Variants in ZRANB1 observed in about 807,000 individuals in gnomAD.
ZRANB1 encodes ubiquitin thioesterase ZRANB1.
ZRANB1 carries 16 observed loss-of-function variants against 80.5 expected under a neutral mutation model. That is an observed-to-expected ratio of 0.20 (90% CI 0.13 to 0.30). The LOEUF (loss-of-function observed/expected upper bound fraction) is 0.30. ZRANB1 is among the 10% of genes least tolerant of loss of function. The pLI is 1.00. For missense variants in ZRANB1, 576 were observed against 862.6 expected, an observed-to-expected ratio of 0.67 and a Z score of 4.16; for synonymous variants, 291 against 293.1, an observed-to-expected ratio of 0.99 and a Z score of 0.07.
At chr10:124,977,506 T>TG (rs1951888045) in intron 5 of ZRANB1, among the ~76,000 whole-genome samples, 1 of 151,452 alleles carries the variant, frequency 6.6e-6, no homozygotes, top group South Asian at 2.1e-4. Flanking sequence ...GCCTAGGAGT[T>TG]CAAGACAAGC....
intron 1 of ZRANB1, among the ~76,000 whole-genome samples, chr10:124,948,864 G>A (rs1456832925): frequency 1.3e-5 from 2 of 152,134 alleles, no homozygotes; most frequent in East Asian, 3.9e-4. Flanking sequence ...TTATATCAAT[G>A]AACGAATGAA....
intron 1 of ZRANB1, among the ~76,000 whole-genome samples, chr10:124,949,619 T>G (rs1951619162): frequency 6.6e-6 from 1 of 151,494 alleles, no homozygotes. Flanking sequence ...CCTCCTGGGC[T>G]TAAGCAGTCC....
At chr10:124,941,302 G>A (rs1220601666), upstream of ZRANB1, among the ~76,000 whole-genome samples, 1 of 152,102 alleles carries the variant, frequency 6.6e-6, no homozygotes, top group Non-Finnish European at 1.5e-5. Flanking sequence ...TTAGCCCATT[G>A]TTGAATCCTA....
At chr10:124,935,798 C>T in the ZRANB1 span, among the ~76,000 whole-genome samples, 3 of 152,166 alleles carry the variant, frequency 2.0e-5, no homozygotes, top group Admixed American at 6.5e-5. Context: ...GTCTACCTTC[C>T]GTGCCACTGG....
intron 5 of ZRANB1, among the ~76,000 whole-genome samples, chr10:124,977,291 T>C (rs1951885887): frequency 6.6e-6 from 1 of 151,764 alleles, no homozygotes; most frequent in Non-Finnish European, 1.5e-5. Flanking sequence ...TTTTTTTTTT[T>C]TCTTTTTTTA....
the ZRANB1 span, among the ~76,000 whole-genome samples, chr10:124,920,186 A>G: frequency 2.0e-5 from 3 of 151,812 alleles, no homozygotes; most frequent in East Asian, 1.9e-4. Context: ...TCGGCCTCCC[A>G]GAGGCTGGGA....
chr10:124,984,972 G>A lies in ZRANB1; in HGVS notation c.2107G>A (p.Glu703Lys). 6.2e-7 allele frequency: 1 copy of A among 1,612,222 alleles called. No homozygotes were observed. The highest frequency in any genetic ancestry group is 8.5e-7 in the Non-Finnish European group (1 of 1,179,002). ...CTSLSDGEED[E>K]DDEDE is the part of the protein sequence containing the mutation. ...ATCCCTGTCTGATGGAGAGGAAGAT[G>A]AGGATGATGAAGATGAATGAAAAAA... is the stretch of plus-strand genomic sequence containing the variant. Residue 703 changes from glutamate to lysine, a missense_variant, in exon 9 of 9, where the codon GAG becomes AAG. This residue lies in a region of ZRANB1 where 152 missense variants were observed against 221.9 expected (regional missense o/e 0.69). Transcript: ENST00000359653.
At chr10:124,974,497 G>A in intron 5 of ZRANB1, 99 bp downstream of exon 5, 1 of 1,194,922 alleles carries the variant, frequency 8.4e-7, no homozygotes, top group Non-Finnish European at 1.2e-6. Context: ...TATTTTCTAT[G>A]GAAACTGGAG....
At chr10:124,939,308 A>G (rs1342171227), upstream of ZRANB1, among the ~76,000 whole-genome samples, 7 of 151,762 alleles carry the variant, frequency 4.6e-5, no homozygotes, top group African/African-American at 1.7e-4. Flanking sequence ...TGCTGGGATT[A>G]AAGACTTGAG....
At chr10:124,918,313 C>G in the ZRANB1 span, among the ~76,000 whole-genome samples, 1 of 152,182 alleles carries the variant, frequency 6.6e-6, no homozygotes, top group Non-Finnish European at 1.5e-5. Flanking sequence ...GCTTCTGCCT[C>G]CCGAGTAGTT....
At chr10:124,919,091 GT>G in the ZRANB1 span, among the ~76,000 whole-genome samples, 1 of 152,116 alleles carries the variant, frequency 6.6e-6, no homozygotes, top group Non-Finnish European at 1.5e-5. Context: ...ACTGATAGGG[GT>G]TATGGATGTC....
chr10:124,923,706 C>CAA, the ZRANB1 span, among the ~76,000 whole-genome samples: 1 of 151,908 alleles, frequency 6.6e-6, no homozygotes, highest in Non-Finnish European at 1.5e-5. Context: ...AGCACCTTCA[C>CAA]AAGGCAGGAG....
At chr10:124,963,265 CA>C (rs397844792) in intron 1 of ZRANB1, among the ~76,000 whole-genome samples, 4,734 of 62,420 alleles carry the variant, frequency 0.076, 68 homozygotes, top group African/African-American at 0.15. Flanking sequence ...GACTCTGTCT[CA>C]AAAAAAAAAA....
upstream of ZRANB1, among the ~76,000 whole-genome samples, chr10:124,941,022 A>G (rs1951531329): frequency 6.6e-6 from 1 of 151,926 alleles, no homozygotes; most frequent in Non-Finnish European, 1.5e-5. Flanking sequence ...CAAAAAAACA[A>G]ACAAACAAAA....
At chr10:124,926,236 T>C in the ZRANB1 span, among the ~76,000 whole-genome samples, 3 of 152,228 alleles carry the variant, frequency 2.0e-5, no homozygotes, top group Admixed American at 2.0e-4. Context: ...GTGAACACTT[T>C]GGCTACACTA....
At chr10:124,931,688 TTA>T in the ZRANB1 span, among the ~76,000 whole-genome samples, 1 of 152,164 alleles carries the variant, frequency 6.6e-6, no homozygotes, top group Non-Finnish European at 1.5e-5. Context: ...ACTTTATTTT[TTA>T]GAGCAGTGTT....
rs1366762083 is a variant in ZRANB1 at position 124,943,234 on chromosome 10, A to T, written c.741A>T (p.Val247=). The T allele has an allele frequency of 6.2e-7, 1 of 1,614,234 alleles. No homozygotes were observed. ...TGGGAAGCAAGGAGGAACTTGAAGT[A>T]GACTTTAAAAAACTAAAGCAAATTA... ...GAVGSKEELE[V]DFKKLKQIKN... is the part of the protein sequence containing the mutation. The change falls in exon 1 of 9, where the codon GTA becomes GTT. Residue 247 remains valine, a synonymous_variant. Transcript: ENST00000359653.
At chr10:124,924,394 C>A in the ZRANB1 span, among the ~76,000 whole-genome samples, 1 of 151,262 alleles carries the variant, frequency 6.6e-6, no homozygotes, top group Non-Finnish European at 1.5e-5. Flanking sequence ...GTATACTTAA[C>A]AGAGTTGTAC....
At chr10:124,963,554 G>GTTTTTTTTTTTTTTTTTTTTTTTTTGTT (rs760813299) in intron 1 of ZRANB1, among the ~76,000 whole-genome samples, 1 of 57,510 alleles carries the variant, frequency 1.7e-5, no homozygotes, top group Non-Finnish European at 3.2e-5. Context: ...TTTTTTGTTT[G>GTTTTTTTTTTTTTTTTTTTTTTTTTGTT]TTTTTTTTTT....
Sources: allele counts gnomAD v4.1 joint callset (sites outside exome capture counted in the v4.1 genomes callset), GRCh38; gene constraint gnomAD v4.1.1; regional missense constraint gnomAD v4.1.1; transcripts MANE v1.5; gene names NCBI Gene and HGNC (gene_info 2026-07-23, HGNC 2026-07-21).